HOOK3: variants seen among roughly 807,000 people sequenced by gnomAD.
HOOK3 encodes protein Hook homolog 3.
HOOK3 carries 24 observed loss-of-function variants against 116.3 expected under a neutral mutation model. That is an observed-to-expected ratio of 0.21 (90% CI 0.15 to 0.29). The LOEUF (loss-of-function observed/expected upper bound fraction) is 0.29, where lower values mean the gene tolerates loss of function less well. Ranked by LOEUF, HOOK3 falls within the 10% of genes least tolerant of loss-of-function variation. HOOK3 has a pLI of 1.00. For missense variants in HOOK3, 632 were observed against 830.2 expected, an observed-to-expected ratio of 0.76 and a Z score of 2.93; for synonymous variants, 275 against 283.0, an observed-to-expected ratio of 0.97 and a Z score of 0.28.
At chr8:42,988,255 G>A (rs1563308461) in intron 15 of HOOK3, among the ~76,000 whole-genome samples, 1 of 152,202 alleles carries the variant, frequency 6.6e-6, no homozygotes, top group Non-Finnish European at 1.5e-5. Flanking sequence ...GATTGCGGGA[G>A]CAGCTGGCGG....
chr8:42,922,679 A>G (rs1807679529), intron 2 of HOOK3, among the ~76,000 whole-genome samples: 1 of 152,160 alleles, frequency 6.6e-6, no homozygotes, highest in South Asian at 2.1e-4. Context: ...TGGGCGGATC[A>G]CTTGAGGTCA....
intron 6 of HOOK3, among the ~76,000 whole-genome samples, chr8:42,953,896 A>C (rs995660055): frequency 6.6e-6 from 1 of 152,166 alleles, no homozygotes; most frequent in South Asian, 2.1e-4. Context: ...CCGAGATAGC[A>C]CTCAGGTCTA....
At chr8:42,934,490 C>T (rs79221026) in intron 4 of HOOK3, among the ~76,000 whole-genome samples, 1 of 151,880 alleles carries the variant, frequency 6.6e-6, no homozygotes, top group Non-Finnish European at 1.5e-5. Flanking sequence ...TTTGCTGCAC[C>T]CATCAACCCA....
chr8:42,985,555 G>A (rs1423430993), intron 14 of HOOK3, among the ~76,000 whole-genome samples: 1 of 152,050 alleles, frequency 6.6e-6, no homozygotes, highest in African/African-American at 2.4e-5. Context: ...GTTATGGAGG[G>A]TTTATATTTT....
At chr8:43,010,464 T>G (rs1809583670) in intron 19 of HOOK3, 59 bp downstream of exon 19, 1 of 515,492 alleles carries the variant, frequency 1.9e-6, no homozygotes, top group African/African-American at 2.0e-5. Flanking sequence ...CAGTGAAGTC[T>G]CAAATATAAT....
chr8:42,966,066 T>C (rs1387927087), intron 9 of HOOK3, among the ~76,000 whole-genome samples: 2 of 152,218 alleles, frequency 1.3e-5, no homozygotes, highest in East Asian at 3.8e-4. Context: ...ACAGTGCCAC[T>C]CTTCTCACTT....
Position 42,949,747 on chromosome 8 carries a change from G to A in HOOK3, c.401-641G>A, listed in dbSNP as rs188566078. 4.3e-3 allele frequency among the ~76,000 whole-genome samples: 654 copies of A among 152,064 alleles called. 7 individuals carry two copies. The highest frequency in any genetic ancestry group is 0.015 in the African/African-American group (635 of 41,488). ...ATCCTGGCCAACATGGTGAAAACCG[G>A]TCTCTACTAAAATACAAAAATTAGT... On this transcript the variant is annotated intron_variant, in intron 5 of 21. Coordinates refer to ENST00000307602, the MANE Select transcript of HOOK3 (RefSeq NM_032410.4).
At chr8:42,993,361 G>A (rs1416840326) in intron 15 of HOOK3, among the ~76,000 whole-genome samples, 6 of 152,152 alleles carry the variant, frequency 3.9e-5, no homozygotes, top group Admixed American at 1.3e-4. Context: ...TGGCCAGGCT[G>A]GTCTCGAACT....
chr8:42,962,737 CTG>C (rs1236901338), intron 8 of HOOK3, among the ~76,000 whole-genome samples: 1 of 148,624 alleles, frequency 6.7e-6, no homozygotes, highest in African/African-American at 2.5e-5. Context: ...TTCTTTTTGT[CTG>C]TGTGTAAAAA....
chr8:42,931,273 C>G (rs1807867002), intron 4 of HOOK3, among the ~76,000 whole-genome samples: 1 of 152,142 alleles, frequency 6.6e-6, no homozygotes, highest in Admixed American at 6.5e-5. Flanking sequence ...TGAGCATGTG[C>G]TGTCTCAGCC....
chr8:42,930,096 C>T, intron 3 of HOOK3, 26 bp from the exon 4 acceptor site: 1 of 1,547,830 alleles, frequency 6.5e-7, no homozygotes, highest in South Asian at 1.3e-5. Flanking sequence ...GCCTTTTACC[C>T]AGTTGTTTTC....
chr8:42,906,146 C>G (rs200599068), intron 1 of HOOK3, 27 bp from the exon 2 acceptor site: 5 of 390,932 alleles, frequency 1.3e-5, no homozygotes, highest in Non-Finnish European at 2.2e-5. Context: ...CAGAATCTCT[C>G]CCCCCCCCCT....
At chr8:42,899,123 G>A in intron 1 of HOOK3, among the ~76,000 whole-genome samples, 1 of 152,174 alleles carries the variant, frequency 6.6e-6, no homozygotes. Context: ...CACAAAATAT[G>A]GTAGGTAGTA....
At chr8:42,981,814 A>T (rs1218474770) in intron 13 of HOOK3, among the ~76,000 whole-genome samples, 1 of 147,136 alleles carries the variant, frequency 6.8e-6, no homozygotes, top group Non-Finnish European at 1.5e-5. Context: ...AACCCAGGAG[A>T]CAGAGGTTGC....
chr8:42,927,888 T>C (rs1807799400), intron 3 of HOOK3, among the ~76,000 whole-genome samples: 1 of 152,206 alleles, frequency 6.6e-6, no homozygotes, highest in Non-Finnish European at 1.5e-5. Context: ...GGCTTACGCC[T>C]GTAATCCCAG....
chr8:42,965,890 A>G (rs545748805), intron 9 of HOOK3, among the ~76,000 whole-genome samples: 1 of 152,248 alleles, frequency 6.6e-6, no homozygotes, highest in South Asian at 2.1e-4. Context: ...ACCATTTTGG[A>G]GAATCTGCAA....
chr8:42,898,568 A>T (rs1807109824), intron 1 of HOOK3, among the ~76,000 whole-genome samples: 1 of 152,242 alleles, frequency 6.6e-6, no homozygotes, highest in Admixed American at 6.5e-5. Context: ...GTACATCTGT[A>T]AACAGAATGC....
intron 6 of HOOK3, among the ~76,000 whole-genome samples, chr8:42,956,780 C>T (rs1808444352): frequency 6.6e-6 from 1 of 152,066 alleles, no homozygotes; most frequent in Admixed American, 6.6e-5. Flanking sequence ...AGATGGGTTT[C>T]TCCATGTTGG....
At chr8:42,898,846 C>A (rs778715824) in intron 1 of HOOK3, among the ~76,000 whole-genome samples, 1 of 152,206 alleles carries the variant, frequency 6.6e-6, no homozygotes, top group Non-Finnish European at 1.5e-5. Flanking sequence ...CAAACGGTAG[C>A]TTAGCTTGGT....
Sources: allele counts gnomAD v4.1 joint callset (sites outside exome capture counted in the v4.1 genomes callset), GRCh38; gene constraint gnomAD v4.1.1; transcripts MANE v1.5; gene names NCBI Gene and HGNC (gene_info 2026-07-23, HGNC 2026-07-21).